Variants in LRP1B observed in about 807,000 individuals in gnomAD.
LRP1B encodes the protein low-density lipoprotein receptor-related protein 1B.
In LRP1B, 217 loss-of-function variants were observed where a neutral mutation model predicts 556.6. The observed-to-expected ratio is 0.39, with a 90% CI of 0.35 to 0.44. The LOEUF (loss-of-function observed/expected upper bound fraction) is 0.44. Among genes scored for constraint, LRP1B ranks in the 20% least tolerant of loss-of-function variants. The probability of loss-of-function intolerance (pLI) is 1.00; values close to 1 mark genes in which losing one functional copy is unlikely to be tolerated. For synonymous variants in LRP1B, 2,047 were observed against 1,865.8 expected, an observed-to-expected ratio of 1.10 and a Z score of -2.50; for missense variants, 5,053 against 5,620.8, an observed-to-expected ratio of 0.90 and a Z score of 3.23.
chr2:141,567,075 T>C (rs1337829733), intron 2 of LRP1B, among the ~76,000 whole-genome samples: 1 of 152,176 alleles, frequency 6.6e-6, no homozygotes. Flanking sequence ...GAAATCATTT[T>C]AGTATAATTC....
At chr2:141,085,090 TGTTGCCCTAA>T (rs1422118325) in intron 7 of LRP1B, among the ~76,000 whole-genome samples, 1 of 133,926 alleles carries the variant, frequency 7.5e-6, no homozygotes, top group Non-Finnish European at 1.5e-5. Flanking sequence ...ATTGTTAAAA[TGTTGCCCTAA>T]GAGAGAAGGT....
intron 43 of LRP1B, among the ~76,000 whole-genome samples, chr2:140,544,978 A>AT (rs1445858425): frequency 2.0e-5 from 3 of 151,988 alleles, no homozygotes; most frequent in Non-Finnish European, 1.5e-5. Flanking sequence ...ACTTTTTAAT[A>AT]ATAGCCATTC....
chr2:141,572,064 T>A (rs1686549347), intron 2 of LRP1B, among the ~76,000 whole-genome samples: 1 of 151,860 alleles, frequency 6.6e-6, no homozygotes, highest in Admixed American at 6.6e-5. Context: ...ACATACAACT[T>A]CAGGAAATGC....
chr2:141,043,715 T>C (rs1698776287), intron 11 of LRP1B, among the ~76,000 whole-genome samples: 1 of 152,040 alleles, frequency 6.6e-6, no homozygotes. Flanking sequence ...AGTACTGCAC[T>C]AGTGGAATAC....
intron 1 of LRP1B, among the ~76,000 whole-genome samples, chr2:141,842,741 T>C (rs749442104): frequency 6.6e-5 from 10 of 152,176 alleles, no homozygotes; most frequent in Admixed American, 6.6e-5. Flanking sequence ...CAGTACTTTT[T>C]ATTAAAGATC....
intron 7 of LRP1B, among the ~76,000 whole-genome samples, chr2:141,120,243 C>T (rs1294532435): frequency 2.6e-5 from 4 of 151,906 alleles, no homozygotes; most frequent in Non-Finnish European, 5.9e-5. Context: ...CTCAAACCCT[C>T]AATGAAGGAT....
chr2:141,644,870 C>G (rs1689494961), intron 2 of LRP1B, among the ~76,000 whole-genome samples: 1 of 151,934 alleles, frequency 6.6e-6, no homozygotes, highest in Non-Finnish European at 1.5e-5. Flanking sequence ...CAGCACTGCA[C>G]TCAGCATCTT....
chr2:140,287,982 A>G (rs1683221658), intron 84 of LRP1B, among the ~76,000 whole-genome samples: 1 of 151,880 alleles, frequency 6.6e-6, no homozygotes, highest in South Asian at 2.1e-4. Flanking sequence ...TTTTGCATCT[A>G]TAAAAATGAA....
intron 41 of LRP1B, among the ~76,000 whole-genome samples, chr2:140,640,537 A>G (rs1574178592): frequency 2.7e-5 from 4 of 145,504 alleles, no homozygotes; most frequent in South Asian, 2.2e-4. Flanking sequence ...CTGGGACTAC[A>G]GGCGCCCGCC....
intron 3 of LRP1B, among the ~76,000 whole-genome samples, chr2:141,417,758 ATTTTTT>A (rs56660575): frequency 7.3e-6 from 1 of 136,368 alleles, no homozygotes; most frequent in African/African-American, 2.6e-5. Context: ...TGGTAGTTCT[ATTTTTT>A]TTTTTTTTTT....
intron 31 of LRP1B, among the ~76,000 whole-genome samples, chr2:140,835,657 C>T (rs1691873744): frequency 2.6e-5 from 4 of 152,150 alleles, no homozygotes; most frequent in African/African-American, 7.2e-5. Context: ...CCTGCCTCAG[C>T]CTCCCAAGTA....
At chr2:140,877,360 C>T (rs1483836861) in intron 25 of LRP1B, among the ~76,000 whole-genome samples, 1 of 152,090 alleles carries the variant, frequency 6.6e-6, no homozygotes, top group Non-Finnish European at 1.5e-5. Flanking sequence ...TAAAAATGAG[C>T]TTTCCTAATA....
intron 43 of LRP1B, among the ~76,000 whole-genome samples, chr2:140,574,119 G>A (rs1195741619): frequency 6.6e-6 from 1 of 151,946 alleles, no homozygotes; most frequent in Non-Finnish European, 1.5e-5. Flanking sequence ...TTACTTTCCT[G>A]TAATTGGTTT....
intron 31 of LRP1B, among the ~76,000 whole-genome samples, chr2:140,814,340 C>T (rs984671612): frequency 6.6e-6 from 1 of 152,098 alleles, no homozygotes; most frequent in Non-Finnish European, 1.5e-5. Flanking sequence ...ACAGGTATCT[C>T]TATGGATTAC....
At chr2:142,125,932 G>A (rs1707633038) in intron 1 of LRP1B, among the ~76,000 whole-genome samples, 1 of 151,810 alleles carries the variant, frequency 6.6e-6, no homozygotes, top group Non-Finnish European at 1.5e-5. Context: ...GGGAAGCCAG[G>A]TTTCTTGAAG....
intron 14 of LRP1B, among the ~76,000 whole-genome samples, chr2:141,010,077 G>A (rs1697697121): frequency 6.6e-6 from 1 of 151,948 alleles, no homozygotes; most frequent in South Asian, 2.1e-4. Flanking sequence ...CTTCCCTGTA[G>A]TTTTAACAAT....
chr2:140,687,136 A>G (rs1308776733), intron 41 of LRP1B, among the ~76,000 whole-genome samples: 1 of 152,106 alleles, frequency 6.6e-6, no homozygotes, highest in Admixed American at 6.5e-5. Flanking sequence ...GATGAGATCC[A>G]AAGTCATCCG....
intron 1 of LRP1B, among the ~76,000 whole-genome samples, chr2:141,932,311 T>G (rs1399187765): frequency 6.6e-5 from 10 of 152,160 alleles, no homozygotes; most frequent in Admixed American, 6.6e-4. Flanking sequence ...TATTTTAGCT[T>G]GAGAAAAGAG....
At chr2:141,309,086 T>G (rs1405075867) in intron 3 of LRP1B, among the ~76,000 whole-genome samples, 1 of 152,192 alleles carries the variant, frequency 6.6e-6, no homozygotes, top group Non-Finnish European at 1.5e-5. Context: ...TTGGCAAATC[T>G]TGTAAAATCT....
Sources: gnomAD v4.1 joint callset for allele counts (sites outside exome capture counted in the v4.1 genomes callset) on GRCh38, gnomAD v4.1.1 for gene constraint, MANE v1.5 for transcripts, NCBI Gene and HGNC (gene_info 2026-07-23, HGNC 2026-07-21) for gene names.